Variants in TP73 observed in about 807,000 individuals in gnomAD.
TP73 encodes tumor protein p73, also known as p53-like transcription factor.
In TP73, 25 loss-of-function variants were observed where a neutral mutation model predicts 62.5. The ratio of observed to expected loss-of-function variants is 0.40; its 90% CI spans 0.29 to 0.56. TP73 has a LOEUF of 0.56. Ranked by LOEUF, TP73 falls within the 20% of genes least tolerant of loss-of-function variation. The pLI, the probability that TP73 is intolerant of heterozygous loss-of-function variation, is 0.46. For synonymous variants in TP73, 423 were observed against 377.5 expected (o/e 1.12, Z -1.40); for missense variants, 754 against 913.3 (o/e 0.83, Z 2.25).
At chr1:3,668,351 C>T (rs1489616649) in intron 1 of TP73, among the ~76,000 whole-genome samples, 2 of 152,312 alleles carry the variant, frequency 1.3e-5, no homozygotes, top group African/African-American at 2.4e-5. Context: ...CTGTCCACTC[C>T]GTGCTGCTGC....
intron 4 of TP73, among the ~76,000 whole-genome samples, chr1:3,717,221 T>A (rs1640675099): frequency 6.6e-6 from 1 of 152,110 alleles, no homozygotes; most frequent in Admixed American, 6.5e-5. Flanking sequence ...CACAAGGAAA[T>A]TAGCAGCCCC....
intron 1 of TP73, among the ~76,000 whole-genome samples, chr1:3,676,254 A>G (rs1374762433): frequency 1.5e-5 from 2 of 137,072 alleles, no homozygotes; most frequent in East Asian, 5.1e-4. Context: ...GAGGGGACCC[A>G]TGGGGATAGG....
rs375276677 is a variant in TP73, at chr1:3,701,307, C to T, written c.187-6242C>T. Reference sequence around the variant, plus strand: ...CTGGATTCCCGTCCCTGTTCCTCGGCGGAGCCTGCCCAGCCGTCGTTCCTC... The same window carrying T: ...CTGGATTCCCGTCCCTGTTCCTCGGTGGAGCCTGCCCAGCCGTCGTTCCTC... On this transcript the variant is annotated intron_variant, in intron 3 of 13. Coordinates refer to ENST00000378295, the MANE Select transcript of TP73 (RefSeq NM_005427.4). This position sits in a 1 kb window ranked among gnomAD's most constrained non-coding sequence, Gnocchi z 4.7. Among the ~76,000 whole-genome samples, 17 of 152,184 alleles carry T rather than the reference C, an allele frequency of 1.1e-4. 1 individual carries two copies. The East Asian group carries it at 1.2e-3, about 10-fold the overall frequency.
At position 3,696,264 on chromosome 1, in the gene TP73, G is replaced by A. The variant is rs1638646740; in HGVS notation, c.187-11285G>A. Among the ~76,000 whole-genome samples the A allele has an allele frequency of 6.6e-6, 1 of 152,092 alleles. No homozygotes were observed. The highest frequency in any genetic ancestry group is 1.5e-5 in the Non-Finnish European group (1 of 68,020). On this transcript the variant is annotated intron_variant, in intron 3 of 13. Coordinates refer to ENST00000378295, the MANE Select transcript of TP73 (RefSeq NM_005427.4). The surrounding 1 kb of genome is among the most constrained non-coding windows in gnomAD (Gnocchi z 4.1). Reference sequence around the variant, plus strand: ...GAGCAGGGGAGGATTCCAGAAAGATGCTGAGGTTCCATTTGCACCCTTGCA... The same window carrying A: ...GAGCAGGGGAGGATTCCAGAAAGATACTGAGGTTCCATTTGCACCCTTGCA...
chr1:3,719,830 G>T (rs763030965), intron 4 of TP73, among the ~76,000 whole-genome samples: 1 of 152,186 alleles, frequency 6.6e-6, no homozygotes, highest in Non-Finnish European at 1.5e-5. Context: ...CAGGGCAGGC[G>T]CCCGCACAGG....
At chr1:3,669,101 C>T (rs1645184485) in intron 1 of TP73, among the ~76,000 whole-genome samples, 1 of 152,242 alleles carries the variant, frequency 6.6e-6, no homozygotes. Flanking sequence ...CCTGCGGGAG[C>T]CAGGAGCCAG....
rs138847064 is a variant in TP73 at position 3,697,047 on chromosome 1, A to G, written c.187-10502A>G. Among the ~76,000 whole-genome samples, 466 of 152,294 alleles carry G rather than the reference A, an allele frequency of 3.1e-3. 1 individual carries two copies. Among genetic ancestry groups the G allele is most frequent in the African/African-American group, 0.011 (457 of 41,564 alleles). On this transcript the variant is annotated intron_variant, in intron 3 of 13. Coordinates refer to ENST00000378295, the MANE Select transcript of TP73 (RefSeq NM_005427.4). Reference sequence around the variant, plus strand: ...GGGATGGTGCCGTGTCTCAGCCAGCAGGAAATCCACTCTCGCCTTTGCTCA... The same window carrying G: ...GGGATGGTGCCGTGTCTCAGCCAGCGGGAAATCCACTCTCGCCTTTGCTCA...
chr1:3,682,508 C>G, intron 2 of TP73, 78 bp downstream of exon 2: 2 of 1,324,136 alleles, frequency 1.5e-6, no homozygotes. Context: ...CTTCGCTGGG[C>G]TAACTGGGCC....
At chr1:3,727,791 A>G (rs565718725) in intron 8 of TP73, 21 bp downstream of exon 8, 4 of 1,513,610 alleles carry the variant, frequency 2.6e-6, no homozygotes, top group African/African-American at 2.8e-5. Context: ...GGCCAGGGGA[A>G]CTGGACGCGT....
Position 3,674,497 on chromosome 1 carries a change from C to T in TP73, c.-33-7836C>T, listed in dbSNP as rs557440502. 9.2e-5 allele frequency among the ~76,000 whole-genome samples: 14 copies of T among 152,372 alleles called. No individual in the cohort carries two copies. The East Asian group carries it at 2.7e-3, about 29-fold the overall frequency. Reference sequence around the variant, plus strand: ...TCAGCCGCATCCTCCTCACCAGGCCCTGCGGACAGGCCTTCGTCCCTGCCC... The same window carrying T: ...TCAGCCGCATCCTCCTCACCAGGCCTTGCGGACAGGCCTTCGTCCCTGCCC... On this transcript the variant is annotated intron_variant, in intron 1 of 13. Coordinates refer to ENST00000378295, the MANE Select transcript of TP73 (RefSeq NM_005427.4).
chr1:3,711,839 C>CGTGTGT (rs533054348), intron 4 of TP73, among the ~76,000 whole-genome samples: 2,450 of 146,058 alleles, frequency 0.017, 19 homozygotes, highest in Middle Eastern at 0.035. Flanking sequence ...TGTGCGCGAG[C>CGTGTGT]GTGTGTATGT....
chr1:3,673,251 G>A (rs1024114782), intron 1 of TP73, among the ~76,000 whole-genome samples: 3 of 152,192 alleles, frequency 2.0e-5, no homozygotes, highest in Non-Finnish European at 4.4e-5. Flanking sequence ...AGAGGCACTC[G>A]AAGGAGCCAG....
intron 13 of TP73, among the ~76,000 whole-genome samples, chr1:3,731,932 A>G (rs150294779): frequency 1.1e-4 from 16 of 151,034 alleles, no homozygotes; most frequent in Admixed American, 5.9e-4. Context: ...CGCCATTTAC[A>G]CAGACAGGAA....
chr1:3,677,516 C>A (rs1645399670), intron 1 of TP73, among the ~76,000 whole-genome samples: 1 of 152,142 alleles, frequency 6.6e-6, no homozygotes, highest in African/African-American at 2.4e-5. Flanking sequence ...TCCTTTGCAA[C>A]TCTGTGCCCT....
At chr1:3,722,321 T>A in intron 5 of TP73, 114 bp downstream of exon 5, 1 of 1,309,876 alleles carries the variant, frequency 7.6e-7, no homozygotes. Flanking sequence ...GGCTTAGCCA[T>A]TCCCCTGCGG....
At chr1:3,695,189 T>A (rs1638523304) in intron 3 of TP73, among the ~76,000 whole-genome samples, 1 of 152,206 alleles carries the variant, frequency 6.6e-6, no homozygotes, top group Non-Finnish European at 1.5e-5. Context: ...AGCCGATGGC[T>A]GGATGAGTGG....
intron 1 of TP73, among the ~76,000 whole-genome samples, chr1:3,679,833 TTGTCCTTGTATCTCTCTGTCTC>T (rs1181473568): frequency 1.0e-5 from 1 of 98,128 alleles, no homozygotes; most frequent in Non-Finnish European, 2.3e-5. Context: ...CTGTCTCTCT[TTGTCCTTGTATCTCTCTGTCTC>T]TCTTTGTCCC....
At chr1:3,676,595 C>T (rs183651996) in intron 1 of TP73, among the ~76,000 whole-genome samples, 3 of 151,878 alleles carry the variant, frequency 2.0e-5, no homozygotes, top group East Asian at 1.9e-4. Flanking sequence ...AGCCCCTCAC[C>T]GGCTGCGGAC....
chr1:3,723,013 C>T (rs1287351262), intron 5 of TP73, among the ~76,000 whole-genome samples: 1 of 147,104 alleles, frequency 6.8e-6, no homozygotes. Context: ...CATCTCTGCA[C>T]CTGACACCGG....
Sources: gnomAD v4.1 joint callset for allele counts (sites outside exome capture counted in the v4.1 genomes callset) on GRCh38, gnomAD v4.1.1 for gene constraint, Gnocchi (gnomAD v3.1) non-coding constraint, MANE v1.5 for transcripts, NCBI Gene and HGNC (gene_info 2026-07-23, HGNC 2026-07-21) for gene names.